MAP3K19: variants seen among roughly 807,000 people sequenced by gnomAD.
The protein encoded by MAP3K19 is SPS1/STE20-related protein kinase YSK4.
A neutral mutation model predicts 114.4 loss-of-function variants in MAP3K19; 91 were observed. The ratio of observed to expected loss-of-function variants is 0.80; its 90% confidence interval spans 0.67 to 0.95. The LOEUF (loss-of-function observed/expected upper bound fraction) is 0.95, where lower values mean the gene tolerates loss of function less well. Among genes scored for constraint, MAP3K19 ranks in the 40% least tolerant of loss-of-function variants. The probability of loss-of-function intolerance (pLI) is 0.00; values close to 1 mark genes in which losing one functional copy is unlikely to be tolerated. For missense variants in MAP3K19, 1,471 were observed against 1,573.2 expected, an observed-to-expected ratio of 0.94 and a Z score of 1.10; for synonymous variants, 518 against 530.5, an observed-to-expected ratio of 0.98 and a Z score of 0.32.
chr2:135,004,319 T>C (rs545313630), intron 6 of MAP3K19, among the ~76,000 whole-genome samples: 1 of 152,236 alleles, frequency 6.6e-6, no homozygotes, highest in African/African-American at 2.4e-5. Context: ...CTGTTAGCTC[T>C]TTCAGGCTTA....
At chr2:135,020,408 C>T (rs1367585140) in intron 5 of MAP3K19, among the ~76,000 whole-genome samples, 1 of 152,188 alleles carries the variant, frequency 6.6e-6, no homozygotes, top group Non-Finnish European at 1.5e-5. Context: ...AGGCCTGAAA[C>T]TCCTGGGCTC....
intron 5 of MAP3K19, among the ~76,000 whole-genome samples, chr2:135,007,156 C>A (rs541433876): frequency 2.9e-5 from 4 of 139,828 alleles, no homozygotes; most frequent in African/African-American, 1.2e-4. Flanking sequence ...CTGAGTGAGA[C>A]CCTGTCTCAA....
chr2:134,999,839 A>G lies in MAP3K19; in HGVS notation c.314+98T>C. 1 of 822,044 alleles carries G rather than the reference A, an allele frequency of 1.2e-6. No individual in the cohort carries two copies. The highest frequency in any genetic ancestry group is 2.1e-6 in the Non-Finnish European group (1 of 484,122). 50.9% of individuals were successfully genotyped at this position (822,044 alleles called of 1,614,324 possible). On this transcript the variant is annotated intron_variant, in intron 7 of 12. Transcript: ENST00000392915. This position sits in a 1 kb window ranked among gnomAD's most constrained non-coding sequence, Gnocchi z 4.1. ...TTTATTGTGACCTCTACTTTTAAGC[A>G]TTATTATGGATTCAATTACTAATAA...
rs1687524466 is a variant in MAP3K19 at position 135,015,526 on chromosome 2, A to G, written c.138+6189T>C. The stretch of plus-strand genomic sequence containing the variant: ...TTAATGATGTCTTTAGATAAAAAGA[A>G]ATGCTTCATTTAATATAGCCCATTT... On this transcript the variant is annotated intron_variant, in intron 5 of 12. Coordinates refer to ENST00000392915, the MANE Select transcript of MAP3K19 (RefSeq NM_025052.5). Among the ~76,000 whole-genome samples the G allele has an allele frequency of 3.3e-5, 5 of 152,194 alleles. 1 individual carries two copies. In the South Asian group the frequency reaches 1.0e-3, roughly 31 times the overall value.
At chr2:134,992,244 C>A (rs1685635535) in intron 8 of MAP3K19, among the ~76,000 whole-genome samples, 2 of 152,082 alleles carry the variant, frequency 1.3e-5, no homozygotes, top group Non-Finnish European at 2.9e-5. Context: ...CTGAACTGTG[C>A]AGAAATGTGA....
At chr2:134,970,232 A>C (rs1559134502) in intron 12 of MAP3K19, among the ~76,000 whole-genome samples, 4 of 152,190 alleles carry the variant, frequency 2.6e-5, no homozygotes, top group Admixed American at 6.5e-5. Context: ...CCACTTTAAC[A>C]ATATTGATTC....
intron 5 of MAP3K19, among the ~76,000 whole-genome samples, chr2:135,019,519 G>A (rs2105362678): frequency 2.0e-5 from 3 of 152,284 alleles, no homozygotes; most frequent in Admixed American, 2.0e-4. Context: ...GGGTGTGGTG[G>A]CATGTGCCTG....
chr2:135,013,486 A>G (rs1687380093), intron 5 of MAP3K19, among the ~76,000 whole-genome samples: 2 of 152,112 alleles, frequency 1.3e-5, no homozygotes, highest in African/African-American at 4.8e-5. Context: ...TGTACATTCT[A>G]TGGGTTTGAA....
At chr2:135,029,722 T>C (rs1027755664) in intron 3 of MAP3K19, among the ~76,000 whole-genome samples, 2 of 152,108 alleles carry the variant, frequency 1.3e-5, no homozygotes, top group East Asian at 3.9e-4. Flanking sequence ...ATGCCAAGAG[T>C]AGGCAATTGC....
intron 11 of MAP3K19, among the ~76,000 whole-genome samples, chr2:134,982,352 C>CTTTTTTTTTT (rs10707203): frequency 1.0e-5 from 1 of 99,986 alleles, no homozygotes; most frequent in Non-Finnish European, 2.2e-5. Context: ...AGATTTTTTT[C>CTTTTTTTTTT]TTTTTTTTTT....
At chr2:134,980,464 T>G (rs888433567) in intron 12 of MAP3K19, among the ~76,000 whole-genome samples, 5 of 152,220 alleles carry the variant, frequency 3.3e-5, no homozygotes, top group African/African-American at 1.2e-4. Flanking sequence ...CCCCTCACTT[T>G]AAATGCAAGA....
At chr2:135,002,878 G>A (rs1686545503) in intron 6 of MAP3K19, among the ~76,000 whole-genome samples, 1 of 152,104 alleles carries the variant, frequency 6.6e-6, no homozygotes. Flanking sequence ...ATCCAACCTG[G>A]GGCCTTCCTG....
intron 9 of MAP3K19, 181 bp downstream of exon 9, chr2:134,991,356 A>G (rs749827482): frequency 6.3e-6 from 4 of 630,610 alleles, no homozygotes; most frequent in Non-Finnish European, 1.1e-5. Context: ...GGCTATTAGT[A>G]GCTAAGTTTT....
Position 134,986,228 on chromosome 2 carries a change from T to A in MAP3K19, c.2644A>T (p.Asn882Tyr). Residue 882 changes from asparagine to tyrosine, a missense_variant, in exon 10 of 13, where the codon AAT (asparagine) becomes TAT (tyrosine). Asn to Tyr is a moderately radical substitution (Grantham distance 143, BLOSUM62 -2). Coordinates refer to ENST00000392915, the MANE Select transcript of MAP3K19 (RefSeq NM_025052.5). ...TCATTAGTTAAAATTCGGCTGGCAT[T>A]TACTTTACTAAGAGATGCTGTATTC... ...KQNTASLSKV[N>Y]ASRILTNDLE... The A allele has an allele frequency of 6.2e-7, 1 of 1,614,054 alleles. No homozygotes were observed.
intron 8 of MAP3K19, among the ~76,000 whole-genome samples, 162 bp downstream of exon 8, chr2:134,998,576 C>A (rs1686197705): frequency 6.6e-6 from 1 of 152,106 alleles, no homozygotes; most frequent in Non-Finnish European, 1.5e-5. Context: ...TATTGTCTGT[C>A]TCGCACCCCC....
chr2:135,006,844 G>C (rs1018908893), intron 5 of MAP3K19, among the ~76,000 whole-genome samples: 3 of 147,962 alleles, frequency 2.0e-5, no homozygotes, highest in African/African-American at 7.5e-5. Flanking sequence ...GAAAGAGAGA[G>C]AGAGAAAAAA....
chr2:134,998,934 T>C lies in MAP3K19; in HGVS notation c.378A>G (p.Ile126Met), dbSNP rs1686229244. 6.2e-7 allele frequency: 1 copy of C among 1,614,130 alleles called. No individual in the cohort carries two copies. The highest frequency in any genetic ancestry group is 8.5e-7 in the Non-Finnish European group (1 of 1,180,048). Residue 126 changes from isoleucine (I) to methionine (M), a missense_variant, in exon 8 of 13, where the codon ATA becomes ATG. Transcript: ENST00000392915. ...QAHAVSHPNEIETVELRKKKL... is the reference protein window; with the variant it reads ...QAHAVSHPNEMETVELRKKKL... ...TCTTTTTCCTGAGCTCCACCGTTTC[T>C]ATTTCATTTGGATGAGAAACTGCAT... is the stretch of plus-strand genomic sequence containing the variant.
At chr2:135,029,428 G>A (rs1194526411) in intron 3 of MAP3K19, among the ~76,000 whole-genome samples, 1 of 152,078 alleles carries the variant, frequency 6.6e-6, no homozygotes, top group Non-Finnish European at 1.5e-5. Context: ...ACAACTGCTG[G>A]AAACACCATT....
At position 134,987,925 on chromosome 2, in the gene MAP3K19, C is replaced by A; in HGVS notation, c.947G>T (p.Cys316Phe). Reference protein sequence around the residue: ...ENWKSKEIEECNKIEITHFEK... With the variant: ...ENWKSKEIEEFNKIEITHFEK... ...AAAGTGAGTGATTTCAATTTTGTTA[C>A]ATTCTTCTATTTCCTTGGATTTCCA... Residue 316 changes from cysteine (C) to phenylalanine (F), a missense_variant, in exon 10 of 13, where the codon TGT (cysteine) becomes TTT (phenylalanine). Coordinates refer to ENST00000392915, the MANE Select transcript of MAP3K19 (RefSeq NM_025052.5). 6.2e-7 allele frequency: 1 copy of A among 1,614,184 alleles called. No individual in the cohort carries two copies. The highest frequency in any genetic ancestry group is 8.5e-7 in the Non-Finnish European group (1 of 1,180,030).
Sources: gnomAD v4.1 joint callset for allele counts (sites outside exome capture counted in the v4.1 genomes callset) on GRCh38, gnomAD v4.1.1 for gene constraint, Gnocchi (gnomAD v3.1) non-coding constraint, MANE v1.5 for transcripts, NCBI Gene and HGNC (gene_info 2026-07-23, HGNC 2026-07-21) for gene names.